CCR3: variants seen among roughly 807,000 people sequenced by gnomAD.
The protein encoded by CCR3 is C-C chemokine receptor type 3.
For missense variants in CCR3, 419 were observed against 437.5 expected (o/e 0.96, Z 0.38); for synonymous variants, 203 against 179.2 (o/e 1.13, Z -1.06).
chr3:46,212,927 G>A (rs1313383019), intron 2 of CCR3, among the ~76,000 whole-genome samples: 2 of 152,202 alleles, frequency 1.3e-5, no homozygotes, highest in African/African-American at 2.4e-5. Flanking sequence ...GGGGTAGGGG[G>A]AGACCTGTGT....
intron 2 of CCR3, among the ~76,000 whole-genome samples, chr3:46,218,596 C>A (rs1464165533): frequency 6.6e-6 from 1 of 151,946 alleles, no homozygotes; most frequent in Non-Finnish European, 1.5e-5. Flanking sequence ...ACTAGGTAAC[C>A]GAATTCAACA....
intron 2 of CCR3, among the ~76,000 whole-genome samples, chr3:46,216,712 T>G (rs943861657): frequency 2.0e-5 from 3 of 152,184 alleles, no homozygotes; most frequent in Non-Finnish European, 2.9e-5. Flanking sequence ...TTTGCCTCCT[T>G]AAAATAATTA....
At chr3:46,212,565 C>T (rs931683599) in intron 2 of CCR3, among the ~76,000 whole-genome samples, 18 of 151,852 alleles carry the variant, frequency 1.2e-4, no homozygotes, top group African/African-American at 4.4e-4. Flanking sequence ...CTTCTTCTAT[C>T]CAGGTGGTCA....
upstream of CCR3, among the ~76,000 whole-genome samples, chr3:46,240,051 A>G (rs1700064109): frequency 1.3e-5 from 2 of 152,316 alleles, no homozygotes; most frequent in East Asian, 3.9e-4. Context: ...TACCTCTGCC[A>G]GGCCCATGCC....
intron 2 of CCR3, among the ~76,000 whole-genome samples, chr3:46,228,109 A>G (rs1250128332): frequency 6.6e-6 from 1 of 151,068 alleles, no homozygotes; most frequent in Non-Finnish European, 1.5e-5. Flanking sequence ...CCTGTTTAAC[A>G]TTTCTGTCTT....
At chr3:46,231,693 G>A (rs62243914) in intron 2 of CCR3, among the ~76,000 whole-genome samples, 19,411 of 152,240 alleles carry the variant, frequency 0.13, 1,629 homozygotes, top group Admixed American at 0.29. Context: ...TTATGGTATA[G>A]ATTATGATGA....
Position 46,243,564 on chromosome 3 carries a change from C to T in CCR3, c.-12+1026C>T, listed in dbSNP as rs138090390. Among the ~76,000 whole-genome samples, 480 of 152,124 alleles carry T rather than the reference C, an allele frequency of 3.2e-3. 2 individuals are homozygous for T. Among genetic ancestry groups the T allele is most frequent in the Admixed American group, 4.0e-3 (61 of 15,274 alleles). On this transcript the variant is annotated intron_variant, in intron 1 of 1. Coordinates refer to ENST00000395940, the MANE Select transcript of CCR3 (RefSeq NM_178329.3). Reference sequence around the variant, plus strand: ...AAAGCCTTACCGATTCTTCTGGAAACGCCTGGATTGACAGAGGATGAGTGT... The same window carrying T: ...AAAGCCTTACCGATTCTTCTGGAAATGCCTGGATTGACAGAGGATGAGTGT...
Position 46,266,040 on chromosome 3 carries a change from C to T in CCR3, c.882C>T (p.Cys294=). The change falls in exon 2 of 2, where the codon TGC becomes TGT. Residue 294 remains cysteine, a synonymous_variant. Coordinates refer to ENST00000395940, the MANE Select transcript of CCR3 (RefSeq NM_178329.3). The part of the protein sequence containing the change: ...LVTEVIAYSH[C]CMNPVIYAFV... ...CAGAGGTGATCGCCTACTCCCACTG[C>T]TGCATGAACCCGGTGATCTACGCCT... The T allele has an allele frequency of 2.5e-6, 4 of 1,614,060 alleles. No individual in the cohort carries two copies. The highest frequency in any genetic ancestry group is 2.5e-6 in the Non-Finnish European group (3 of 1,180,016).
At chr3:46,247,073 G>T (rs1700210559) in intron 1 of CCR3, among the ~76,000 whole-genome samples, 1 of 152,192 alleles carries the variant, frequency 6.6e-6, no homozygotes, top group South Asian at 2.1e-4. Flanking sequence ...TAGGACATCT[G>T]ATTAGAGAGT....
At chr3:46,259,659 G>GAATAA (rs1559538053) in intron 1 of CCR3, among the ~76,000 whole-genome samples, 2 of 152,118 alleles carry the variant, frequency 1.3e-5, no homozygotes, top group African/African-American at 4.8e-5. Context: ...TATAAGGAGA[G>GAATAA]AATAAATTCC....
At chr3:46,223,845 G>T (rs73833024) in intron 2 of CCR3, among the ~76,000 whole-genome samples, 2,090 of 152,206 alleles carry the variant, frequency 0.014, 35 homozygotes, top group African/African-American at 0.047. Flanking sequence ...GTGCAGGTAT[G>T]GGACATGGAT....
intron 2 of CCR3, among the ~76,000 whole-genome samples, chr3:46,233,505 C>A (rs1339957542): frequency 2.0e-5 from 3 of 152,154 alleles, no homozygotes; most frequent in Non-Finnish European, 4.4e-5. Flanking sequence ...CCTAAGCTAT[C>A]TTCTGCGTGT....
chr3:46,212,864 A>C (rs1699732855), intron 2 of CCR3, among the ~76,000 whole-genome samples: 1 of 152,192 alleles, frequency 6.6e-6, no homozygotes, highest in Non-Finnish European at 1.5e-5. Context: ...CATGACAGGA[A>C]GTCATCAATG....
In CCR3 at chr3:46,265,231, G is replaced by T; in HGVS notation, c.73G>T (p.Glu25Ter). 1.2e-6 allele frequency: 2 copies of T among 1,614,030 alleles called. No homozygotes were observed. The highest frequency in any genetic ancestry group is 1.7e-6 in the Non-Finnish European group (2 of 1,179,960). Residue 25 changes from glutamate (E) to a stop codon, truncating the protein, a stop_gained, in exon 2 of 2, where the codon GAA becomes TAA. Coordinates refer to ENST00000395940, the MANE Select transcript of CCR3 (RefSeq NM_178329.3). LOFTEE classifies it low-confidence loss of function (END_TRUNC). ...SYYDDVGLLC[E>*]KADTRALMAQ... ...CTATGATGACGTGGGCCTGCTCTGT[G>T]AAAAAGCTGATACCAGAGCACTGAT...
intron 1 of CCR3, among the ~76,000 whole-genome samples, chr3:46,258,247 A>T (rs1424450836): frequency 6.6e-6 from 1 of 152,234 alleles, no homozygotes; most frequent in Non-Finnish European, 1.5e-5. Context: ...ATGCATACAC[A>T]TCTCCTTAAA....
chr3:46,244,601 A>G (rs1700157504), intron 1 of CCR3, among the ~76,000 whole-genome samples: 4 of 152,140 alleles, frequency 2.6e-5, no homozygotes, highest in Admixed American at 2.6e-4. Context: ...GAGCTTTTTG[A>G]GCCAGGATGA....
At chr3:46,253,452 T>G (rs970248974) in intron 1 of CCR3, among the ~76,000 whole-genome samples, 2 of 152,180 alleles carry the variant, frequency 1.3e-5, no homozygotes, top group African/African-American at 4.8e-5. Flanking sequence ...CTTGGCTTCT[T>G]CAACTCATCT....
At chr3:46,247,410 G>T (rs976491793) in intron 1 of CCR3, among the ~76,000 whole-genome samples, 1 of 152,162 alleles carries the variant, frequency 6.6e-6, no homozygotes, top group Non-Finnish European at 1.5e-5. Flanking sequence ...AGCATTCCGA[G>T]GACAGGTCTG....
chr3:46,252,466 A>G (rs890459330), intron 1 of CCR3, among the ~76,000 whole-genome samples: 9 of 152,136 alleles, frequency 5.9e-5, no homozygotes, highest in African/African-American at 2.2e-4. Flanking sequence ...GGCATGAGCC[A>G]CAGCACCCAG....
Sources: allele counts gnomAD v4.1 joint callset (sites outside exome capture counted in the v4.1 genomes callset), GRCh38; gene constraint gnomAD v4.1.1; transcripts MANE v1.5; gene names NCBI Gene and HGNC (gene_info 2026-07-23, HGNC 2026-07-21).